Variants in LRP8 observed in about 807,000 individuals in gnomAD.
LRP8 encodes low-density lipoprotein receptor-related protein 8.
A neutral mutation model predicts 111.6 loss-of-function variants in LRP8; 46 were observed. The ratio of observed to expected loss-of-function variants is 0.41; its 90% CI spans 0.33 to 0.53. The LOEUF is 0.53. Among genes scored for constraint, LRP8 ranks in the 20% least tolerant of loss-of-function variants. The pLI is 0.20. For missense variants in LRP8, 959 were observed against 1,297.4 expected (o/e 0.74, Z 4.01); for synonymous variants, 464 against 511.2 (o/e 0.91, Z 1.24).
At chr1:53,327,758 C>T in intron 1 of LRP8, 31 bp downstream of exon 1, 2 of 1,481,278 alleles carry the variant, frequency 1.4e-6, no homozygotes, top group Non-Finnish European at 1.8e-6. Flanking sequence ...TAGGGCGGAG[C>T]AGAGCCGAGT....
At chr1:53,247,301 T>C (rs1026195335) in intron 18 of LRP8, among the ~76,000 whole-genome samples, 6 of 152,240 alleles carry the variant, frequency 3.9e-5, no homozygotes, top group Non-Finnish European at 8.8e-5. Context: ...CAGGTCTGTA[T>C]GAATCCAAAG....
intron 2 of LRP8, among the ~76,000 whole-genome samples, chr1:53,314,289 CT>C (rs35825782): frequency 0.29 from 43,492 of 152,180 alleles, 7,532 homozygotes; most frequent in African/African-American, 0.48. Context: ...TCACCCTCCA[CT>C]TCTCAAAGCC....
rs1646298203 is a variant in LRP8, at chr1:53,260,661, G to A, written c.1915-56C>T. The A allele has an allele frequency of 7.0e-6, 11 of 1,572,340 alleles. No homozygotes were observed. The South Asian group carries it at 1.3e-4, about 18-fold the overall frequency. ...CCTGGAGTGTAAATCCATGACCTCAGTCTGAGGGGTTGGCCCCAAACCATA... is the reference window on the plus strand; with the variant it reads ...CCTGGAGTGTAAATCCATGACCTCAATCTGAGGGGTTGGCCCCAAACCATA... On this transcript the variant is annotated intron_variant, in intron 12 of 18. Coordinates refer to ENST00000306052, the MANE Select transcript of LRP8 (RefSeq NM_004631.5).
At chr1:53,323,076 G>C (rs554733049) in intron 2 of LRP8, among the ~76,000 whole-genome samples, 1 of 152,178 alleles carries the variant, frequency 6.6e-6, no homozygotes, top group Non-Finnish European at 1.5e-5. Flanking sequence ...GAACTTCCTA[G>C]AGGAGGAAGC....
At position 53,274,566 on chromosome 1, in the gene LRP8, G is replaced by T. The variant is rs1209370820; in HGVS notation, c.1006+1065C>A. The T allele has an allele frequency of 7.5e-6, 3 of 400,718 alleles. No individual in the cohort carries two copies. The Admixed American group carries it at 8.0e-5, about 11-fold the overall frequency. The allele number at this position is 400,718 out of a possible 1,614,324, so 24.8% of individuals were successfully genotyped here. ...AAAGCCCCATGTGAAGCCATAGGACGGCACATGAATCCAAAGAGAGGGTCA... is the reference window on the plus strand; with the variant it reads ...AAAGCCCCATGTGAAGCCATAGGACTGCACATGAATCCAAAGAGAGGGTCA... On this transcript the variant is annotated intron_variant, in intron 6 of 18. Transcript: ENST00000306052.
At chr1:53,269,889 AG>A (rs1646707716) in intron 8 of LRP8, among the ~76,000 whole-genome samples, 1 of 152,208 alleles carries the variant, frequency 6.6e-6, no homozygotes, top group African/African-American at 2.4e-5. Flanking sequence ...CTACAATGTT[AG>A]GTGTTCAATA....
rs965822853 is a variant in LRP8 at position 53,293,339 on chromosome 1, G to A, written c.245-3650C>T. Among the ~76,000 whole-genome samples, 8 of 152,190 alleles carry A rather than the reference G, an allele frequency of 5.3e-5. No individual in the cohort carries two copies. Among genetic ancestry groups the A allele is most frequent in the Non-Finnish European group, 1.0e-4 (7 of 68,038 alleles). On this transcript the variant is annotated intron_variant, in intron 2 of 18. Coordinates refer to ENST00000306052, the MANE Select transcript of LRP8 (RefSeq NM_004631.5). The surrounding 1 kb of genome is among the most constrained non-coding windows in gnomAD (Gnocchi z 4.9). ...GAGTGGTGTTTTTGGCAACAGATTC[G>A]GTGGTGTTTTTGGGAACAGATTTGT...
At chr1:53,276,646 G>C in intron 5 of LRP8, 46 bp downstream of exon 5, 1 of 1,426,756 alleles carries the variant, frequency 7.0e-7, no homozygotes, top group South Asian at 1.3e-5. Flanking sequence ...TCGGATAGCG[G>C]ATCCGCAATC....
chr1:53,302,049 AG>A, intron 2 of LRP8, among the ~76,000 whole-genome samples: 1 of 152,028 alleles, frequency 6.6e-6, no homozygotes, highest in Non-Finnish European at 1.5e-5. Context: ...CTTGCCTGTG[AG>A]TAAGGTCTGC....
intron 8 of LRP8, chr1:53,268,692 A>G (rs1038750139): frequency 3.3e-4 from 51 of 152,336 alleles, no homozygotes; most frequent in Middle Eastern, 3.4e-3. Flanking sequence ...TGTCCAAAAC[A>G]GCCTAAGATT....
At chr1:53,323,364 C>T (rs1456051599) in intron 2 of LRP8, among the ~76,000 whole-genome samples, 1 of 152,260 alleles carries the variant, frequency 6.6e-6, no homozygotes, top group Non-Finnish European at 1.5e-5. Context: ...GCCCGGTCCA[C>T]AGCAAGTGCC....
intron 2 of LRP8, among the ~76,000 whole-genome samples, chr1:53,319,918 C>T (rs1654281931): frequency 6.6e-6 from 1 of 152,254 alleles, no homozygotes; most frequent in African/African-American, 2.4e-5. Context: ...TTACTGTCAT[C>T]GTGACTGGGA....
At position 53,283,403 on chromosome 1, in the gene LRP8, A is replaced by G. The variant is rs550911948; in HGVS notation, c.368-2688T>C. On this transcript the variant is annotated intron_variant, in intron 3 of 18. Coordinates refer to ENST00000306052, the MANE Select transcript of LRP8 (RefSeq NM_004631.5). ...GGGTGCCATTCACAAAGGTCATCAC[A>G]TAAGTGGCATACCCGGGCCACTTAC... 2.6e-5 allele frequency among the ~76,000 whole-genome samples: 4 copies of G among 152,048 alleles called. No individual in the cohort carries two copies. In the East Asian group the frequency reaches 7.7e-4, roughly 29 times the overall value.
intron 10 of LRP8, among the ~76,000 whole-genome samples, chr1:53,263,528 A>G (rs941144774): frequency 6.6e-6 from 1 of 152,100 alleles, no homozygotes; most frequent in Admixed American, 6.5e-5. Context: ...AGAATCCCTA[A>G]CTCCCAAAAC....
rs776971315 is a variant in LRP8 at position 53,266,486 on chromosome 1, G to A, written c.1414C>T (p.Arg472Cys). ...ATGGCCGCTCACCTATAGATCTTAC[G>A]GTAGGAGAGGTCACACCAGTAGATG... ...NRIYWCDLSYRKIYSAYMDKA... is the reference protein window; with the variant it reads ...NRIYWCDLSYCKIYSAYMDKA... The change falls in exon 9 of 19, where the codon CGT (arginine) becomes TGT (cysteine). Residue 472 changes from arginine (R) to cysteine (C), a missense_variant. Coordinates refer to ENST00000306052, the MANE Select transcript of LRP8 (RefSeq NM_004631.5). This position sits in a 1 kb window ranked among gnomAD's most constrained non-coding sequence, Gnocchi z 5.0. 12 of 1,614,130 alleles carry A rather than the reference G, an allele frequency of 7.4e-6. No homozygotes were observed. Among genetic ancestry groups the A allele is most frequent in the South Asian group, 5.5e-5 (5 of 91,070 alleles).
chr1:53,324,241 T>C (rs1654863383), intron 2 of LRP8, among the ~76,000 whole-genome samples: 1 of 152,214 alleles, frequency 6.6e-6, no homozygotes, highest in South Asian at 2.1e-4. Flanking sequence ...CTCTCTCTCC[T>C]GCAGGGAGAA....
intron 16 of LRP8, among the ~76,000 whole-genome samples, chr1:53,254,569 A>G (rs1477424899): frequency 6.6e-6 from 1 of 152,070 alleles, no homozygotes; most frequent in African/African-American, 2.4e-5. Flanking sequence ...GGGTCTCTCT[A>G]ACAAGACTAT....
At chr1:53,257,198 G>C in intron 15 of LRP8, 42 bp downstream of exon 15, 1 of 1,591,802 alleles carries the variant, frequency 6.3e-7, no homozygotes, top group Non-Finnish European at 8.6e-7. Context: ...TTCCCTAGGA[G>C]CCCTCCCATG....
At chr1:53,300,170 T>A (rs1367449060) in intron 2 of LRP8, among the ~76,000 whole-genome samples, 1 of 152,242 alleles carries the variant, frequency 6.6e-6, no homozygotes, top group African/African-American at 2.4e-5. Flanking sequence ...GGCCCATCCC[T>A]GGCCATCACC....
Sources: gnomAD v4.1 joint callset for allele counts (sites outside exome capture counted in the v4.1 genomes callset) on GRCh38, gnomAD v4.1.1 for gene constraint, Gnocchi (gnomAD v3.1) non-coding constraint, MANE v1.5 for transcripts, NCBI Gene and HGNC (gene_info 2026-07-23, HGNC 2026-07-21) for gene names.